The following LVRN variants were observed in gnomAD, a reference collection of about 807,000 sequenced individuals.
LVRN encodes aminopeptidase Q.
In LVRN, 99 loss-of-function variants were observed where a neutral mutation model predicts 111.4. The ratio of observed to expected loss-of-function variants is 0.89; its 90% confidence interval spans 0.76 to 1.05. The LOEUF (loss-of-function observed/expected upper bound fraction) is 1.05, where lower values mean the gene tolerates loss of function less well. LVRN is among the 50% of genes least tolerant of loss of function. The pLI, the probability that LVRN is intolerant of heterozygous loss-of-function variation, is 0.00. For synonymous variants in LVRN, 488 were observed against 449.5 expected (o/e 1.09, Z -1.08); for missense variants, 1,414 against 1,206.8 (o/e 1.17, Z -2.54).
intron 6 of LVRN, among the ~76,000 whole-genome samples, 178 bp from the exon 7 acceptor site, chr5:115,999,584 T>C (rs1187909560): frequency 2.0e-5 from 3 of 152,202 alleles, no homozygotes; most frequent in Admixed American, 6.5e-5. Flanking sequence ...AACTATCTTA[T>C]AGTTTTGTTA....
At chr5:115,975,941 C>T (rs1225665738) in intron 1 of LVRN, 1 of 164,952 alleles carries the variant, frequency 6.1e-6, no homozygotes, top group Non-Finnish European at 1.4e-5. Flanking sequence ...GTTTGCATCG[C>T]CTTGCTGCCA....
intron 18 of LVRN, among the ~76,000 whole-genome samples, chr5:116,018,542 C>T (rs958728934): frequency 1.3e-5 from 2 of 151,980 alleles, no homozygotes; most frequent in African/African-American, 4.8e-5. Context: ...CATGGTGGCA[C>T]ATGCCTGTAA....
intron 1 of LVRN, among the ~76,000 whole-genome samples, chr5:115,968,261 T>G (rs971311525): frequency 1.7e-5 from 1 of 59,692 alleles, no homozygotes; most frequent in Admixed American, 1.6e-4. Context: ...GAAAGTTGTC[T>G]TCTATTCATA....
intron 1 of LVRN, among the ~76,000 whole-genome samples, chr5:115,981,028 T>C (rs1753550154): frequency 6.6e-6 from 1 of 152,176 alleles, no homozygotes; most frequent in East Asian, 1.9e-4. Context: ...TTCCCAAAGT[T>C]ACACAACAGT....
chr5:115,962,853 C>T lies in LVRN; in HGVS notation c.236C>T (p.Ala79Val), dbSNP rs558163901. The change falls in exon 1 of 20, where the codon GCG becomes GTG. Residue 79 changes from alanine (A) to valine (V), a missense_variant. By Grantham distance (64) the Ala-to-Val change is moderately conservative (BLOSUM62 0). Coordinates refer to ENST00000357872, the MANE Select transcript of LVRN (RefSeq NM_173800.5). Reference protein sequence around the residue: ...TPKPSSARELAVTTTPSNWRP... With the variant: ...TPKPSSARELVVTTTPSNWRP... The stretch of plus-strand genomic sequence containing the variant: ...AAACCCAGCAGTGCACGCGAGCTAG[C>T]GGTGACGACCACCCCGAGCAACTGG... 7.4e-5 allele frequency: 119 copies of T among 1,613,142 alleles called. 2 individuals carry two copies. The South Asian group carries it at 1.2e-3, about 17-fold the overall frequency.
chr5:115,973,864 G>A (rs200944632), intron 1 of LVRN, among the ~76,000 whole-genome samples: 2 of 151,986 alleles, frequency 1.3e-5, no homozygotes, highest in African/African-American at 4.8e-5. Context: ...AGCTTTCATA[G>A]GTTTCTTCTA....
chr5:115,997,521 G>T (rs1748141538), intron 6 of LVRN, among the ~76,000 whole-genome samples: 1 of 151,920 alleles, frequency 6.6e-6, no homozygotes, highest in South Asian at 2.1e-4. Context: ...TTAATTAGCA[G>T]GGCATGGTGC....
At chr5:115,987,699 T>C in intron 3 of LVRN, 114 bp from the exon 4 acceptor site, 1 of 1,273,844 alleles carries the variant, frequency 7.9e-7, no homozygotes, top group Non-Finnish European at 1.1e-6. Context: ...ATTATGCAGC[T>C]TCTTCTGGAA....
rs1753414253 is a variant in LVRN at position 115,975,138 on chromosome 5, T to C, written c.696-8149T>C. 3 of 428,854 alleles carry C rather than the reference T, an allele frequency of 7.0e-6. No homozygotes were observed. The Admixed American group carries it at 8.1e-5, about 12-fold the overall frequency. 26.6% of individuals were successfully genotyped at this position (428,854 alleles called of 1,614,324 possible). On this transcript the variant is annotated intron_variant, in intron 1 of 19. Coordinates refer to ENST00000357872, the MANE Select transcript of LVRN (RefSeq NM_173800.5). ...ATGGGCTCTTTCAAATAAGATTGTATGAGTCAATGAACTGAATATGGCCAA... is the reference window on the plus strand; with the variant it reads ...ATGGGCTCTTTCAAATAAGATTGTACGAGTCAATGAACTGAATATGGCCAA...
Position 115,991,727 on chromosome 5 carries a change from T to C in LVRN, c.1106-396T>C, listed in dbSNP as rs75314189. Reference sequence around the variant, plus strand: ...CTAGTAGGTGTGTGGTAATATCTCATTGTTTTAATTTAAAATTCTCTAATG... The same window carrying C: ...CTAGTAGGTGTGTGGTAATATCTCACTGTTTTAATTTAAAATTCTCTAATG... On this transcript the variant is annotated intron_variant, in intron 4 of 19. Coordinates refer to ENST00000357872, the MANE Select transcript of LVRN (RefSeq NM_173800.5). 5.8e-3 allele frequency among the ~76,000 whole-genome samples: 884 copies of C among 152,350 alleles called. 10 individuals are homozygous for C. The highest frequency in any genetic ancestry group is 0.019 in the African/African-American group (802 of 41,572).
intron 3 of LVRN, among the ~76,000 whole-genome samples, chr5:115,986,871 G>A (rs1012266810): frequency 3.3e-5 from 5 of 152,126 alleles, no homozygotes; most frequent in Admixed American, 2.0e-4. Context: ...CATTTCCTTA[G>A]CATTTTCTCT....
At chr5:116,002,752 T>C in intron 10 of LVRN, 83 bp from the exon 11 acceptor site, 1 of 1,011,340 alleles carries the variant, frequency 9.9e-7, no homozygotes, top group Non-Finnish European at 1.5e-6. Context: ...CTGTGTGCTA[T>C]TTCATCATCT....
intron 6 of LVRN, among the ~76,000 whole-genome samples, chr5:115,994,375 C>A (rs182815286): frequency 1.1e-3 from 175 of 152,236 alleles, no homozygotes; most frequent in African/African-American, 3.9e-3. Flanking sequence ...TGGGCTCAAG[C>A]AGTCCTCCCA....
At chr5:115,967,213 C>G (rs4412142) in intron 1 of LVRN, among the ~76,000 whole-genome samples, 34,484 of 152,078 alleles carry the variant, frequency 0.23, 4,744 homozygotes, top group Non-Finnish European at 0.31. Flanking sequence ...GGTGTCATGC[C>G]TGAGAACTCT....
chr5:116,021,328 G>T (rs1394845878), intron 18 of LVRN: 1 of 152,226 alleles, frequency 6.6e-6, no homozygotes, highest in Admixed American at 6.6e-5. Context: ...TTGGAATTTG[G>T]GTTCTTTGGA....
At chr5:116,009,777 T>C (rs1453848644) in intron 13 of LVRN, among the ~76,000 whole-genome samples, 1 of 152,132 alleles carries the variant, frequency 6.6e-6, no homozygotes, top group Non-Finnish European at 1.5e-5. Context: ...AGAAGTTGCT[T>C]CTTATGGATG....
intron 1 of LVRN, chr5:115,974,398 G>C (rs1753392308): frequency 6.6e-6 from 1 of 152,208 alleles, no homozygotes; most frequent in Non-Finnish European, 1.5e-5. Flanking sequence ...TGGTAATGCT[G>C]ATTGCAATAT....
At chr5:116,022,926 C>A (rs895481329) in intron 19 of LVRN, among the ~76,000 whole-genome samples, 1 of 152,218 alleles carries the variant, frequency 6.6e-6, no homozygotes, top group Non-Finnish European at 1.5e-5. Flanking sequence ...GAGAGACGGA[C>A]AGACACCCCT....
chr5:115,964,918 C>G (rs773888261), intron 1 of LVRN, among the ~76,000 whole-genome samples: 5 of 152,106 alleles, frequency 3.3e-5, no homozygotes, highest in Non-Finnish European at 5.9e-5. Flanking sequence ...GAAAAGACAC[C>G]TAAGGTTAAG....
Sources: allele counts gnomAD v4.1 joint callset (sites outside exome capture counted in the v4.1 genomes callset), GRCh38; gene constraint gnomAD v4.1.1; transcripts MANE v1.5; gene names NCBI Gene and HGNC (gene_info 2026-07-23, HGNC 2026-07-21).